The following GRM7 variants were observed in gnomAD, a reference collection of about 807,000 sequenced individuals.
GRM7 encodes the protein metabotropic glutamate receptor 7.
In GRM7, 35 loss-of-function variants were observed where a neutral mutation model predicts 84.5. That is an observed-to-expected ratio of 0.41 (90% CI 0.32 to 0.55). The LOEUF (loss-of-function observed/expected upper bound fraction) is 0.55. Ranked by LOEUF, GRM7 falls within the 20% of genes least tolerant of loss-of-function variation. The pLI, the probability that GRM7 is intolerant of heterozygous loss-of-function variation, is 0.19. For missense variants in GRM7, 1,003 were observed against 1,194.6 expected, an observed-to-expected ratio of 0.84 and a Z score of 2.36; for synonymous variants, 487 against 455.1, an observed-to-expected ratio of 1.07 and a Z score of -0.89.
chr3:7,595,144 T>C (rs1695979157), intron 8 of GRM7, among the ~76,000 whole-genome samples: 1 of 152,192 alleles, frequency 6.6e-6, no homozygotes, highest in African/African-American at 2.4e-5. Flanking sequence ...GTGAACAACA[T>C]TGACAAAGTT....
chr3:6,954,010 C>A (rs139577126), intron 1 of GRM7, among the ~76,000 whole-genome samples: 2 of 151,626 alleles, frequency 1.3e-5, no homozygotes, highest in Non-Finnish European at 1.5e-5. Flanking sequence ...TTGTGGATGG[C>A]GATAATATAT....
chr3:7,067,662 T>A (rs1014116812), intron 1 of GRM7, among the ~76,000 whole-genome samples: 16 of 151,816 alleles, frequency 1.1e-4, no homozygotes, highest in Admixed American at 3.3e-4. Flanking sequence ...CAAACAAGGC[T>A]CCATGGGTCA....
chr3:7,069,272 A>G (rs1697779588), intron 1 of GRM7, among the ~76,000 whole-genome samples: 1 of 151,988 alleles, frequency 6.6e-6, no homozygotes, highest in African/African-American at 2.4e-5. Flanking sequence ...ACGACAGGTC[A>G]CCAGAACCAG....
intron 1 of GRM7, among the ~76,000 whole-genome samples, chr3:6,949,121 T>C (rs1330248281): frequency 2.6e-5 from 4 of 152,178 alleles, no homozygotes; most frequent in Non-Finnish European, 5.9e-5. Context: ...GTTATTTTGC[T>C]CATTAGTTGA....
intron 9 of GRM7, among the ~76,000 whole-genome samples, chr3:7,683,251 A>AGAG (rs1030262328): frequency 6.6e-5 from 10 of 152,110 alleles, no homozygotes; most frequent in Admixed American, 2.6e-4. Context: ...CTGCCCAGGT[A>AGAG]GAGGCCTCAT....
chr3:7,084,360 G>A (rs1284812657), intron 1 of GRM7, among the ~76,000 whole-genome samples: 1 of 152,062 alleles, frequency 6.6e-6, no homozygotes, highest in African/African-American at 2.4e-5. Flanking sequence ...AGGAATCTGT[G>A]TTGCAACAAG....
chr3:7,697,236 C>T (rs80091610), intron 9 of GRM7, among the ~76,000 whole-genome samples: 1 of 152,048 alleles, frequency 6.6e-6, no homozygotes, highest in Non-Finnish European at 1.5e-5. Context: ...AAAATTACAT[C>T]ATCATCAATT....
At chr3:6,867,064 T>C (rs183685168) in intron 1 of GRM7, among the ~76,000 whole-genome samples, 15 of 152,332 alleles carry the variant, frequency 9.8e-5, no homozygotes, top group Non-Finnish European at 1.9e-4. Context: ...CCTGCTGATA[T>C]TCTGGAACTC....
intron 1 of GRM7, among the ~76,000 whole-genome samples, chr3:7,043,587 G>T (rs1421791876): frequency 6.6e-6 from 1 of 152,166 alleles, no homozygotes; most frequent in Non-Finnish European, 1.5e-5. Flanking sequence ...ATAATCTGGT[G>T]TTTGTTGCTC....
intron 4 of GRM7, among the ~76,000 whole-genome samples, chr3:7,357,383 C>G (rs531944654): frequency 2.6e-5 from 4 of 152,006 alleles, no homozygotes; most frequent in African/African-American, 7.2e-5. Context: ...AATCACTTTT[C>G]CAAGAATGTA....
chr3:7,467,235 G>A lies in GRM7; in HGVS notation c.1515+5513G>A, dbSNP rs112574917. On this transcript the variant is annotated intron_variant, in intron 7 of 9. Coordinates refer to ENST00000357716, the MANE Select transcript of GRM7 (RefSeq NM_000844.4). ...CCTGAGTATCTGGGACTACAGGCAC[G>A]TGCCACCACACCCAGCTAATTTTTT... Among the ~76,000 whole-genome samples the A allele has an allele frequency of 3.3e-3, 503 of 152,156 alleles. 5 individuals are homozygous for A. Among genetic ancestry groups the A allele is most frequent in the African/African-American group, 0.011 (438 of 41,524 alleles).
rs200841514 is a variant in GRM7 at position 7,360,153 on chromosome 3, G to A, written c.1033+53501G>A. Among the ~76,000 whole-genome samples the A allele has an allele frequency of 9.4e-4, 136 of 143,952 alleles. 9 individuals carry two copies. In the East Asian group the frequency reaches 0.012, roughly 13 times the overall value. 94.4% of individuals were successfully genotyped at this position (143,952 alleles called of 152,430 possible). A position where few individuals can be genotyped will look rare whatever the true frequency, so the allele number is the denominator to read the frequency against. ...TTTTTCCCTCTGTGTGTGTGTGTGT[G>A]TGTGTGTGTGTGTGTGTGTGAAAGA... On this transcript the variant is annotated intron_variant, in intron 4 of 9. Coordinates refer to ENST00000357716, the MANE Select transcript of GRM7 (RefSeq NM_000844.4).
intron 1 of GRM7, among the ~76,000 whole-genome samples, chr3:6,952,158 C>T (rs61132183): frequency 2.6e-4 from 39 of 151,920 alleles, no homozygotes; most frequent in Non-Finnish European, 3.2e-4. Flanking sequence ...TTCATTCATT[C>T]TGGTGTTCCT....
chr3:7,026,672 T>C (rs1181109488), intron 1 of GRM7, among the ~76,000 whole-genome samples: 1 of 152,190 alleles, frequency 6.6e-6, no homozygotes, highest in East Asian at 1.9e-4. Flanking sequence ...GTAAGAATAA[T>C]ATCTGATGAT....
At chr3:7,595,919 A>C (rs73809453) in intron 8 of GRM7, among the ~76,000 whole-genome samples, 2,543 of 152,198 alleles carry the variant, frequency 0.017, 73 homozygotes, top group African/African-American at 0.059. Flanking sequence ...ATGGGATGTC[A>C]TTGGATGATT....
chr3:7,161,775 A>G (rs1694631829), intron 2 of GRM7, among the ~76,000 whole-genome samples: 2 of 152,228 alleles, frequency 1.3e-5, no homozygotes, highest in African/African-American at 4.8e-5. Flanking sequence ...GGTGAACAAA[A>G]TAGACCTTGC....
At chr3:7,058,932 A>G (rs1697330378) in intron 1 of GRM7, among the ~76,000 whole-genome samples, 1 of 151,938 alleles carries the variant, frequency 6.6e-6, no homozygotes, top group African/African-American at 2.4e-5. Flanking sequence ...GAAGAGGAAC[A>G]GGCTATGACC....
chr3:7,684,229 A>C (rs537392778), intron 9 of GRM7, among the ~76,000 whole-genome samples: 1 of 152,378 alleles, frequency 6.6e-6, no homozygotes, highest in East Asian at 1.9e-4. Context: ...TAACAGAGAT[A>C]AATGACATTA....
chr3:7,337,662 C>T (rs1458412089), intron 4 of GRM7, among the ~76,000 whole-genome samples: 2 of 151,826 alleles, frequency 1.3e-5, no homozygotes, highest in African/African-American at 4.8e-5. Context: ...AAATGCTAAA[C>T]ATCATTAGTT....
Sources: allele counts gnomAD v4.1 joint callset (sites outside exome capture counted in the v4.1 genomes callset), GRCh38; gene constraint gnomAD v4.1.1; transcripts MANE v1.5; gene names NCBI Gene and HGNC (gene_info 2026-07-23, HGNC 2026-07-21).